Variants in TEX14 observed in about 807,000 individuals in gnomAD.
The protein encoded by TEX14 is testis expressed 14, intercellular bridge forming factor, also known as inactive serine/threonine-protein kinase TEX14.
Under a neutral mutation model 178.6 loss-of-function variants are expected in TEX14, and 168 were observed. The ratio of observed to expected loss-of-function variants is 0.94; its 90% CI spans 0.83 to 1.07. The LOEUF (loss-of-function observed/expected upper bound fraction) is 1.07. Among genes scored for constraint, TEX14 ranks in the 50% least tolerant of loss-of-function variants. The pLI is 0.00. For missense variants in TEX14, 1,730 were observed against 1,753.6 expected, an observed-to-expected ratio of 0.99 and a Z score of 0.24; for synonymous variants, 626 against 634.1, an observed-to-expected ratio of 0.99 and a Z score of 0.19.
At chr17:58,574,628 C>T (rs1402154804) in intron 21 of TEX14, among the ~76,000 whole-genome samples, 2 of 140,386 alleles carry the variant, frequency 1.4e-5, no homozygotes, top group East Asian at 2.3e-4. Flanking sequence ...GAGCTGAGAT[C>T]GCGCCATTGC....
At chr17:58,674,919 G>T (rs2047369653) in intron 1 of TEX14, among the ~76,000 whole-genome samples, 1 of 150,926 alleles carries the variant, frequency 6.6e-6, no homozygotes, top group Admixed American at 6.6e-5. Context: ...CTGAGGGGGG[G>T]TGCATCACTT....
chr17:58,582,970 C>CTT (rs34304842), intron 19 of TEX14, among the ~76,000 whole-genome samples: 3 of 134,696 alleles, frequency 2.2e-5, no homozygotes, highest in South Asian at 2.4e-4. Flanking sequence ...TCACTTCAGT[C>CTT]TTTTTTTTTT....
chr17:58,622,617 AT>A (rs1319664683), intron 4 of TEX14, among the ~76,000 whole-genome samples: 4 of 152,322 alleles, frequency 2.6e-5, no homozygotes, highest in Non-Finnish European at 4.4e-5. Flanking sequence ...TGCTAGTTAA[AT>A]GGGTCAGACA....
chr17:58,595,724 G>A (rs1002356233), intron 14 of TEX14, among the ~76,000 whole-genome samples: 1 of 152,190 alleles, frequency 6.6e-6, no homozygotes, highest in African/African-American at 2.4e-5. Flanking sequence ...ACAACTGAGT[G>A]ATGCTAGCCA....
intron 5 of TEX14, among the ~76,000 whole-genome samples, chr17:58,618,858 C>T (rs1173345699): frequency 1.3e-5 from 2 of 152,230 alleles, no homozygotes; most frequent in South Asian, 2.1e-4. Flanking sequence ...AACTGAGCAT[C>T]CCAATTTACA....
chr17:58,623,073 G>C (rs1048239723), intron 3 of TEX14, 61 bp from the exon 4 acceptor site: 160 of 1,500,036 alleles, frequency 1.1e-4, no homozygotes, highest in Admixed American at 2.4e-4. Flanking sequence ...CCATGGAGCG[G>C]GGCTCAGCGT....
At chr17:58,634,433 A>G (rs1293048591) in intron 2 of TEX14, among the ~76,000 whole-genome samples, 1 of 152,130 alleles carries the variant, frequency 6.6e-6, no homozygotes. Context: ...ACAAAGAAAG[A>G]AAGAAAAAGA....
rs79612712 is a variant in TEX14 at position 58,570,178 on chromosome 17, G to C, written c.3817+207C>G. Among the ~76,000 whole-genome samples the C allele has an allele frequency of 2.0e-5, 3 of 149,800 alleles. No homozygotes were observed. The South Asian group carries it at 6.4e-4, about 32-fold the overall frequency. ...ATTTAAAAGATATGCAAAAAAAAAA[G>C]TACATGAGGTTAAAAAAGTGTATAG... On this transcript the variant is annotated intron_variant, in intron 25 of 31. Transcript: ENST00000349033.
chr17:58,675,624 C>T (rs1419176410), intron 1 of TEX14, among the ~76,000 whole-genome samples: 2 of 152,174 alleles, frequency 1.3e-5, no homozygotes, highest in African/African-American at 4.8e-5. Flanking sequence ...ATGGTTTCCC[C>T]ATCTCCCTTC....
rs201649880 is a variant in TEX14, at chr17:58,559,917, G to GA, written c.4158-356dup. 3.1e-3 allele frequency among the ~76,000 whole-genome samples: 476 copies of GA among 151,318 alleles called. 3 individuals are homozygous for GA. Among genetic ancestry groups the GA allele is most frequent in the Non-Finnish European group, 2.9e-3 (198 of 67,748 alleles). On this transcript the variant is annotated intron_variant, in intron 29 of 31. Transcript: ENST00000349033. Reference sequence around the variant, plus strand: ...ACCACTATGCTATACTGCTCCAAAGGAAAAAAAAGGCATTTTACTTAAGTT... The same window carrying GA: ...ACCACTATGCTATACTGCTCCAAAGGAAAAAAAAAGGCATTTTACTTAAGTT...
At chr17:58,660,813 T>G (rs1279437278) in intron 1 of TEX14, 1 of 782,456 alleles carries the variant, frequency 1.3e-6, no homozygotes, top group Non-Finnish European at 2.4e-6. Context: ...GAAGCCAGAC[T>G]TGGATAGCCA....
In TEX14 at chr17:58,622,957, A is replaced by C. The variant is rs2081521416; in HGVS notation, c.307T>G (p.Trp103Gly). 1.2e-6 allele frequency: 2 copies of C among 1,611,354 alleles called. No homozygotes were observed. The highest frequency in any genetic ancestry group is 1.7e-5 in the Admixed American group (1 of 59,958). ...VHAAAFSGNQ[W>G]ILSKLLDAGG... is the part of the protein sequence containing the mutation. Reference sequence around the variant, plus strand: ...GCATCCAGCAGTTTGCTAAGGATCCACTGATTGCCCGAAAATGCTGCTGCA... The same window carrying C: ...GCATCCAGCAGTTTGCTAAGGATCCCCTGATTGCCCGAAAATGCTGCTGCA... Residue 103 changes from tryptophan to glycine, a missense_variant, in exon 4 of 32, where the codon TGG becomes GGG. Trp to Gly is a radical substitution (Grantham distance 184, BLOSUM62 -2). This residue lies in a region of TEX14 where 789 missense variants were observed against 681.2 expected (regional missense o/e 1.16). Transcript: ENST00000349033.
intron 2 of TEX14, among the ~76,000 whole-genome samples, chr17:58,644,728 G>C (rs1487878719): frequency 8.5e-6 from 1 of 116,992 alleles, no homozygotes; most frequent in Non-Finnish European, 1.7e-5. Flanking sequence ...TGCAACCTCC[G>C]CCCCCCCTGG....
intron 2 of TEX14, 133 bp downstream of exon 2, chr17:58,651,733 A>G: frequency 1.2e-6 from 1 of 844,522 alleles, no homozygotes; most frequent in Middle Eastern, 3.9e-4. Context: ...ACTGCTAGAG[A>G]ACATCTAATT....
At chr17:58,657,019 G>C (rs970128397) in intron 1 of TEX14, among the ~76,000 whole-genome samples, 18 of 151,594 alleles carry the variant, frequency 1.2e-4, no homozygotes, top group Non-Finnish European at 2.1e-4. Context: ...ACATTGCCCA[G>C]GCTGGTCTTC....
chr17:58,647,486 C>T (rs781762878), intron 2 of TEX14, among the ~76,000 whole-genome samples: 16 of 150,792 alleles, frequency 1.1e-4, no homozygotes, highest in South Asian at 4.2e-4. Context: ...GAGCTGAGAT[C>T]GCGTCACTGC....
chr17:58,611,955 C>T (rs1485647856), intron 9 of TEX14, among the ~76,000 whole-genome samples: 1 of 152,182 alleles, frequency 6.6e-6, no homozygotes, highest in African/African-American at 2.4e-5. Context: ...GAATGGCAAG[C>T]CATTTGGGGG....
chr17:58,592,828 C>G (rs938474382), intron 15 of TEX14, among the ~76,000 whole-genome samples: 1 of 152,150 alleles, frequency 6.6e-6, no homozygotes, highest in African/African-American at 2.4e-5. Context: ...CGTGACCCAC[C>G]ACACTCGGCC....
At chr17:58,564,194 A>G (rs2044349773) in intron 28 of TEX14, 1 of 152,234 alleles carries the variant, frequency 6.6e-6, no homozygotes, top group Admixed American at 6.5e-5. Flanking sequence ...GTATATATCC[A>G]AAAGAATTGA....
Sources: allele counts gnomAD v4.1 joint callset (sites outside exome capture counted in the v4.1 genomes callset), GRCh38; gene constraint gnomAD v4.1.1; regional missense constraint gnomAD v4.1.1; transcripts MANE v1.5; gene names NCBI Gene and HGNC (gene_info 2026-07-23, HGNC 2026-07-21).